FA2H: variants seen among roughly 807,000 people sequenced by gnomAD.
The protein encoded by FA2H is fatty acid 2-hydroxylase, also known as fatty acid alpha-hydroxylase.
In FA2H, 22 loss-of-function variants were observed where a neutral mutation model predicts 44.9. The ratio of observed to expected loss-of-function variants is 0.49; its 90% confidence interval spans 0.35 to 0.70. The LOEUF (loss-of-function observed/expected upper bound fraction) is 0.70, where lower values mean the gene tolerates loss of function less well. Among genes scored for constraint, FA2H ranks in the 30% least tolerant of loss-of-function variants. FA2H has a pLI of 0.01. For synonymous variants in FA2H, 243 were observed against 213.2 expected, an observed-to-expected ratio of 1.14 and a Z score of -1.22; for missense variants, 501 against 504.9, an observed-to-expected ratio of 0.99 and a Z score of 0.07.
intron 1 of FA2H, among the ~76,000 whole-genome samples, chr16:74,763,756 A>C (rs1962756048): frequency 1.3e-5 from 2 of 152,244 alleles, no homozygotes; most frequent in African/African-American, 4.8e-5. Context: ...GGTAATTTTC[A>C]AGCAAGTTTA....
intron 1 of FA2H, among the ~76,000 whole-genome samples, chr16:74,752,330 C>T (rs763314648): frequency 1.1e-4 from 17 of 152,120 alleles, no homozygotes; most frequent in Non-Finnish European, 2.2e-4. Context: ...GCCCTTGGTT[C>T]TCAGCATAAA....
intron 6 of FA2H, among the ~76,000 whole-genome samples, chr16:74,714,532 C>A (rs914880972): frequency 6.6e-6 from 1 of 152,076 alleles, no homozygotes; most frequent in Non-Finnish European, 1.5e-5. Context: ...TCCCACCCCC[C>A]ACCTCCATCT....
intron 1 of FA2H, among the ~76,000 whole-genome samples, chr16:74,773,336 ATTTAAC>A (rs1962942968): frequency 7.0e-6 from 1 of 143,240 alleles, no homozygotes; most frequent in Non-Finnish European, 1.6e-5. Flanking sequence ...TAATTTATAA[ATTTAAC>A]TTTATCATAG....
At chr16:74,741,838 ATGTGTGTGTATGTGTG>A (rs1962315481) in intron 1 of FA2H, among the ~76,000 whole-genome samples, 1 of 39,968 alleles carries the variant, frequency 2.5e-5, no homozygotes, top group East Asian at 9.2e-4. Flanking sequence ...GTGTGTGTGT[ATGTGTGTGTATGTGTG>A]TATGTGTGTG....
intron 1 of FA2H, among the ~76,000 whole-genome samples, chr16:74,773,561 C>T (rs761764146): frequency 2.6e-5 from 4 of 152,154 alleles, no homozygotes; most frequent in Non-Finnish European, 4.4e-5. Context: ...ACCTGGAATC[C>T]TGTGGACTAG....
intron 1 of FA2H, among the ~76,000 whole-genome samples, chr16:74,766,740 G>A (rs1962816136): frequency 6.6e-6 from 1 of 152,138 alleles, no homozygotes; most frequent in Non-Finnish European, 1.5e-5. Context: ...GATTCTCTAG[G>A]ACAGAGTAGC....
intron 1 of FA2H, among the ~76,000 whole-genome samples, chr16:74,743,774 T>C (rs1962360517): frequency 6.6e-6 from 1 of 152,148 alleles, no homozygotes; most frequent in Non-Finnish European, 1.5e-5. Flanking sequence ...CAAGGTGCTT[T>C]CCTGGGTGGC....
At chr16:74,764,638 G>A (rs1038362455) in intron 1 of FA2H, among the ~76,000 whole-genome samples, 1 of 151,964 alleles carries the variant, frequency 6.6e-6, no homozygotes, top group African/African-American at 2.4e-5. Context: ...TTAACACCTG[G>A]GTGACAAAAT....
At position 74,718,367 on chromosome 16, in the gene FA2H, G is replaced by C. The variant is rs188570108; in HGVS notation, c.786+621C>G. 1.5e-3 allele frequency among the ~76,000 whole-genome samples: 222 copies of C among 152,274 alleles called. 1 individual carries two copies. The highest frequency in any genetic ancestry group is 5.2e-3 in the African/African-American group (215 of 41,562). On this transcript the variant is annotated intron_variant, in intron 5 of 6. Coordinates refer to ENST00000219368, the MANE Select transcript of FA2H (RefSeq NM_024306.5). ...ACAATGCAGGGACAGAGAAGCAGCG[G>C]GGGGTACAGGGGAGGTAGCTTCCTT...
chr16:74,744,882 G>A (rs1173931532), intron 1 of FA2H, among the ~76,000 whole-genome samples: 1 of 152,182 alleles, frequency 6.6e-6, no homozygotes, highest in Non-Finnish European at 1.5e-5. Context: ...CACCACGCCT[G>A]GCTGGTGATG....
intron 1 of FA2H, among the ~76,000 whole-genome samples, chr16:74,748,610 G>C (rs767053828): frequency 6.6e-6 from 1 of 152,148 alleles, no homozygotes; most frequent in Admixed American, 6.5e-5. Context: ...CAAGCCCCCA[G>C]CTTCCTCCAG....
Position 74,727,454 on chromosome 16 carries a change from C to T in FA2H, c.364-68G>A, listed in dbSNP as rs116440781. 4.0e-4 allele frequency: 612 copies of T among 1,532,938 alleles called. 2 individuals carry two copies. In the African/African-American group the frequency reaches 7.3e-3, roughly 18 times the overall value. The allele number at this position is 1,532,938 out of a possible 1,614,324, so 95.0% of individuals were successfully genotyped here. On this transcript the variant is annotated intron_variant, in intron 2 of 6. Transcript: ENST00000219368. ...TCCCATATTCGTTCTCCCATTTCCTCGTTACAGCATCCCAATCCCCTGCTC... is the reference window on the plus strand; with the variant it reads ...TCCCATATTCGTTCTCCCATTTCCTTGTTACAGCATCCCAATCCCCTGCTC...
intron 2 of FA2H, among the ~76,000 whole-genome samples, chr16:74,734,838 A>G (rs1962149999): frequency 1.3e-5 from 2 of 152,360 alleles, no homozygotes; most frequent in Admixed American, 6.5e-5. Flanking sequence ...GCTCAGTGTC[A>G]GCAGCACTGC....
chr16:74,774,665 C>T lies in FA2H; in HGVS notation c.91G>A (p.Ala31Thr). ...AAGCTGGAGAGGTCGTAGAGGCGGG[C>T]CCCGCGGCGGACCCAGCACGCGCCG... ...AAGACWVRRG[A>T]RLYDLSSFVR... is the part of the protein sequence containing the mutation. Residue 31 changes from alanine to threonine, a missense_variant, in exon 1 of 7, where the codon GCC becomes ACC. Physicochemically the swap from Ala to Thr is moderately conservative, Grantham distance 58 (BLOSUM62 0). Coordinates refer to ENST00000219368, the MANE Select transcript of FA2H (RefSeq NM_024306.5). The T allele has an allele frequency of 1.4e-6, 2 of 1,435,668 alleles. No homozygotes were observed. The highest frequency in any genetic ancestry group is 1.8e-6 in the Non-Finnish European group (2 of 1,097,684). 88.9% of individuals were successfully genotyped at this position (1,435,668 alleles called of 1,614,324 possible).
At chr16:74,752,495 G>A (rs375458242) in intron 1 of FA2H, among the ~76,000 whole-genome samples, 1 of 152,094 alleles carries the variant, frequency 6.6e-6, no homozygotes, top group Non-Finnish European at 1.5e-5. Context: ...CTTTGCACCT[G>A]CTGTTCCCTC....
At position 74,740,105 on chromosome 16, in the gene FA2H, T is replaced by G. The variant is rs267604636; in HGVS notation, c.281A>C (p.Glu94Ala). ...ELRGEQQGSM[E>A]NEPVALEETQ... ...TTCCTCAAGGGCTACAGGCTCGTTC[T>G]CCATGGAGCCCTGGAAGGAGAAGAT... The change falls in exon 2 of 7, where the codon GAG becomes GCG. Residue 94 changes from glutamate (E) to alanine (A), a missense_variant. By Grantham distance (107) the Glu-to-Ala change is moderately radical (BLOSUM62 -1). Transcript: ENST00000219368. 1 of 1,612,656 alleles carries G rather than the reference T, an allele frequency of 6.2e-7. No individual in the cohort carries two copies. The highest frequency in any genetic ancestry group is 1.7e-5 in the Admixed American group (1 of 59,984).
chr16:74,740,434 T>C lies in FA2H; in HGVS notation c.271-319A>G, dbSNP rs1031641694. 4.0e-5 allele frequency among the ~76,000 whole-genome samples: 6 copies of C among 151,746 alleles called. No individual in the cohort carries two copies. The East Asian group carries it at 5.8e-4, about 15-fold the overall frequency. On this transcript the variant is annotated intron_variant, in intron 1 of 6. Coordinates refer to ENST00000219368, the MANE Select transcript of FA2H (RefSeq NM_024306.5). Reference sequence around the variant, plus strand: ...GAGTTTGAGACCAGCCTGGCCAACATGGTGAAAACCTGTCTCTACTAAAAA... The same window carrying C: ...GAGTTTGAGACCAGCCTGGCCAACACGGTGAAAACCTGTCTCTACTAAAAA...
At chr16:74,747,578 C>T (rs1035034888) in intron 1 of FA2H, among the ~76,000 whole-genome samples, 5 of 152,176 alleles carry the variant, frequency 3.3e-5, no homozygotes, top group Non-Finnish European at 5.9e-5. Context: ...GAGATCATTA[C>T]GGTGGGCCTT....
chr16:74,752,426 T>G (rs1027027703), intron 1 of FA2H, among the ~76,000 whole-genome samples: 4 of 151,864 alleles, frequency 2.6e-5, no homozygotes, highest in African/African-American at 9.7e-5. Context: ...CCAGACTCCA[T>G]CCCTCCCCAT....
Sources: allele counts gnomAD v4.1 joint callset (sites outside exome capture counted in the v4.1 genomes callset), GRCh38; gene constraint gnomAD v4.1.1; transcripts MANE v1.5; gene names NCBI Gene and HGNC (gene_info 2026-07-23, HGNC 2026-07-21).